The following GLB1L3 variants were observed in gnomAD, a reference collection of about 807,000 sequenced individuals.
The protein encoded by GLB1L3 is beta-galactosidase-1-like protein 3.
A neutral mutation model predicts 89.5 loss-of-function variants in GLB1L3; 89 were observed. The observed-to-expected ratio is 0.99, with a 90% CI of 0.84 to 1.19. The LOEUF is 1.19. GLB1L3 is among the 50% of genes most tolerant of loss of function. The pLI, the probability that GLB1L3 is intolerant of heterozygous loss-of-function variation, is 0.00. For missense variants in GLB1L3, 812 were observed against 813.3 expected, an observed-to-expected ratio of 1.00 and a Z score of 0.02; for synonymous variants, 314 against 312.3, an observed-to-expected ratio of 1.01 and a Z score of -0.06.
rs1283562470 is a variant in GLB1L3 at position 134,277,807 on chromosome 11, A to G, written c.257A>G (p.Lys86Arg). ...GKPHFTLEGH[K>R]FLIFGGSIHY... Reference sequence around the variant, plus strand: ...CCCCACTTCACACTGGAGGGCCACAAGTTCCTGATCTTCGGGGGCTCCATC... The same window carrying G: ...CCCCACTTCACACTGGAGGGCCACAGGTTCCTGATCTTCGGGGGCTCCATC... Residue 86 changes from lysine (K) to arginine (R), a missense_variant, in exon 3 of 20, where the codon AAG (lysine) becomes AGG (arginine). Around this residue, in one of 3 missense-constraint regions of GLB1L3, gnomAD observed 191 missense variants for 191.4 expected, o/e 1.00. Coordinates refer to ENST00000431683, the MANE Select transcript of GLB1L3 (RefSeq NM_001080407.3). 1.9e-6 allele frequency: 3 copies of G among 1,614,052 alleles called. No individual in the cohort carries two copies. The highest frequency in any genetic ancestry group is 1.7e-6 in the Non-Finnish European group (2 of 1,180,010).
At position 134,309,778 on chromosome 11, in the gene GLB1L3, T is replaced by G. The variant is rs1591584287; in HGVS notation, c.1099+15T>G. On this transcript the variant is annotated intron_variant, in intron 11 of 19. Coordinates refer to ENST00000431683, the MANE Select transcript of GLB1L3 (RefSeq NM_001080407.3). ...CACCAGCTATGGCAAGTGTCGCTGGTGTAGTAGCCTCTCCAGCATGGGCGG... is the reference window on the plus strand; with the variant it reads ...CACCAGCTATGGCAAGTGTCGCTGGGGTAGTAGCCTCTCCAGCATGGGCGG... 1 of 1,611,608 alleles carries G rather than the reference T, an allele frequency of 6.2e-7. No individual in the cohort carries two copies. Among genetic ancestry groups the G allele is most frequent in the South Asian group, 1.1e-5 (1 of 90,336 alleles).
intron 10 of GLB1L3, among the ~76,000 whole-genome samples, chr11:134,308,090 C>A (rs1285836750): frequency 6.6e-6 from 1 of 151,340 alleles, no homozygotes; most frequent in African/African-American, 2.4e-5. Context: ...TCACTACCAC[C>A]AACAATAATG....
the GLB1L3 span, among the ~76,000 whole-genome samples, chr11:134,325,280 G>C: frequency 6.6e-6 from 1 of 152,130 alleles, no homozygotes; most frequent in African/African-American, 2.4e-5. Context: ...TGGGGGACCA[G>C]TTCCACCATC....
At chr11:134,289,077 C>T in intron 7 of GLB1L3, 187 bp downstream of exon 7, 1 of 510,854 alleles carries the variant, frequency 2.0e-6, no homozygotes, top group South Asian at 2.8e-5. Context: ...CTTTTGACTC[C>T]CTCAAAATTT....
intron 10 of GLB1L3, among the ~76,000 whole-genome samples, chr11:134,308,493 CACCAAA>C (rs1942488585): frequency 8.5e-5 from 1 of 11,712 alleles, no homozygotes. Context: ...CCACCATCAC[CACCAAA>C]TACCACCACC....
chr11:134,294,990 C>G (rs1182000761), intron 9 of GLB1L3, among the ~76,000 whole-genome samples: 3 of 152,216 alleles, frequency 2.0e-5, no homozygotes, highest in Non-Finnish European at 4.4e-5. Context: ...GTGAGATTAT[C>G]ATTTTCTATT....
At chr11:134,310,678 GC>G in intron 12 of GLB1L3, 27 bp downstream of exon 12, 2 of 1,546,248 alleles carry the variant, frequency 1.3e-6, no homozygotes, top group Non-Finnish European at 1.8e-6. Flanking sequence ...TAACTTACGG[GC>G]CAGCCCTCCT....
At chr11:134,301,150 C>T (rs1051887694) in intron 9 of GLB1L3, among the ~76,000 whole-genome samples, 1 of 152,196 alleles carries the variant, frequency 6.6e-6, no homozygotes, top group Admixed American at 6.5e-5. Flanking sequence ...AAGCAAGTGG[C>T]TTGGGTCCAG....
chr11:134,276,104 C>G (rs1419998155), upstream of GLB1L3: 1 of 152,736 alleles, frequency 6.5e-6, no homozygotes, highest in African/African-American at 2.4e-5. Context: ...GTCACCAAAG[C>G]GCCCGCCGCG....
chr11:134,301,279 C>T (rs527515794), intron 9 of GLB1L3, among the ~76,000 whole-genome samples: 20 of 152,158 alleles, frequency 1.3e-4, no homozygotes, highest in Non-Finnish European at 2.5e-4. Flanking sequence ...TTTGTCCTCG[C>T]TGTGAGGATG....
At chr11:134,283,513 G>A (rs1940813583) in intron 5 of GLB1L3, among the ~76,000 whole-genome samples, 1 of 152,192 alleles carries the variant, frequency 6.6e-6, no homozygotes. Flanking sequence ...AAGTTGTGAA[G>A]TGCCTTGGAG....
downstream of GLB1L3, among the ~76,000 whole-genome samples, chr11:134,320,216 G>T (rs1425295729): frequency 6.6e-6 from 1 of 152,118 alleles, no homozygotes; most frequent in Non-Finnish European, 1.5e-5. Context: ...AAGTAATCTT[G>T]TGTCCAGAGG....
chr11:134,324,282 A>G (rs1943197895), downstream of GLB1L3, among the ~76,000 whole-genome samples: 2 of 152,216 alleles, frequency 1.3e-5, 1 homozygote, highest in African/African-American at 4.8e-5. Context: ...TATTTTAATA[A>G]TATCACTGAT....
At chr11:134,297,124 C>A (rs1941694935) in intron 9 of GLB1L3, among the ~76,000 whole-genome samples, 1 of 152,024 alleles carries the variant, frequency 6.6e-6, no homozygotes, top group African/African-American at 2.4e-5. Context: ...TTGTTGGAAG[C>A]TTGGCCGCTG....
chr11:134,318,531 C>T (rs1943075264), intron 18 of GLB1L3, 100 bp from the exon 19 acceptor site: 2 of 706,202 alleles, frequency 2.8e-6, no homozygotes, highest in East Asian at 5.4e-5. Flanking sequence ...CATTTGAGTG[C>T]CATAAAGTAT....
Position 134,276,541 on chromosome 11 carries a change from G to T in GLB1L3, c.-200G>T. On this transcript the variant is annotated 5_prime_UTR_variant, in exon 1 of 20. The change creates a new upstream start codon in the 5' untranslated region. Transcript: ENST00000431683. ...GCGGAGCTCGGCTGTCCCCGCGGGA[G>T]GGAGCCCGACGCGCATCCTTGGGAC... is the stretch of plus-strand genomic sequence containing the variant. 1 of 416,294 alleles carries T rather than the reference G, an allele frequency of 2.4e-6. No individual in the cohort carries two copies. The highest frequency in any genetic ancestry group is 4.1e-6 in the Non-Finnish European group (1 of 246,268). The allele number at this position is 416,294 out of a possible 1,614,324, so 25.8% of individuals were successfully genotyped here. A position where few individuals can be genotyped will look rare whatever the true frequency, so the allele number is the denominator to read the frequency against.
At chr11:134,310,268 G>T in intron 11 of GLB1L3, 1 of 438,766 alleles carries the variant, frequency 2.3e-6, no homozygotes, top group Non-Finnish European at 4.1e-6. Context: ...TTTGTGTTGG[G>T]CTGCATTCAA....
chr11:134,323,729 C>T (rs1943192748), downstream of GLB1L3, among the ~76,000 whole-genome samples: 1 of 152,136 alleles, frequency 6.6e-6, no homozygotes, highest in African/African-American at 2.4e-5. Flanking sequence ...GCAAATAAAT[C>T]ATTAGTTGCT....
chr11:134,318,997 C>A lies in GLB1L3; in HGVS notation c.*55C>A. 7.6e-7 allele frequency: 1 copy of A among 1,312,112 alleles called. No homozygotes were observed. Among genetic ancestry groups the A allele is most frequent in the Non-Finnish European group, 1.1e-6 (1 of 914,402 alleles). 81.3% of individuals were successfully genotyped at this position (1,312,112 alleles called of 1,614,324 possible). Reference sequence around the variant, plus strand: ...TGAGATGGAGTCTCACTTTGTCGCCCAGGCTGGAGTGCAGTGGCACAATCT... The same window carrying A: ...TGAGATGGAGTCTCACTTTGTCGCCAAGGCTGGAGTGCAGTGGCACAATCT... On this transcript the variant is annotated 3_prime_UTR_variant, in exon 20 of 20. Transcript: ENST00000431683.
Sources: allele counts gnomAD v4.1 joint callset (sites outside exome capture counted in the v4.1 genomes callset), GRCh38; gene constraint gnomAD v4.1.1; regional missense constraint gnomAD v4.1.1; transcripts MANE v1.5; gene names NCBI Gene and HGNC (gene_info 2026-07-23, HGNC 2026-07-21).